DNAI7: variants seen among roughly 807,000 people sequenced by gnomAD.
DNAI7 encodes cancer susceptibility 1.
A neutral mutation model predicts 86.6 loss-of-function variants in DNAI7; 78 were observed. The observed-to-expected ratio is 0.90, with a 90% CI of 0.75 to 1.09. The LOEUF is 1.09. Ranked by LOEUF, DNAI7 falls within the 50% of genes least tolerant of loss-of-function variation. DNAI7 has a pLI of 0.00. For synonymous variants in DNAI7, 274 were observed against 273.0 expected (o/e 1.00, Z -0.04); for missense variants, 753 against 810.2 (o/e 0.93, Z 0.86).
intron 8 of DNAI7, among the ~76,000 whole-genome samples, chr12:25,146,255 T>G (rs1592404225): frequency 8.1e-6 from 1 of 122,830 alleles, no homozygotes; most frequent in African/African-American, 2.9e-5. Context: ...CTATTATTTT[T>G]AAGTCACAAA....
At chr12:25,166,425 C>G (rs1209601475) in intron 2 of DNAI7, among the ~76,000 whole-genome samples, 1 of 152,088 alleles carries the variant, frequency 6.6e-6, no homozygotes, top group Admixed American at 6.5e-5. Context: ...TCCTTTGCAC[C>G]CTTCATCCCA....
At chr12:25,168,697 G>C (rs1489876763) in intron 2 of DNAI7, among the ~76,000 whole-genome samples, 2 of 151,918 alleles carry the variant, frequency 1.3e-5, no homozygotes, top group African/African-American at 4.9e-5. Context: ...CTCAAGGATA[G>C]AGCCCAAAAA....
chr12:25,121,751 A>G lies in DNAI7; in HGVS notation c.1239+2T>C, dbSNP rs753589803. 1 of 1,593,296 alleles carries G rather than the reference A, an allele frequency of 6.3e-7. No homozygotes were observed. Among genetic ancestry groups the G allele is most frequent in the Admixed American group, 1.9e-5 (1 of 53,134 alleles). On this transcript the variant is annotated splice_donor_variant, in intron 11 of 15. Coordinates refer to ENST00000395987, the MANE Select transcript of DNAI7 (RefSeq NM_018272.5). LOFTEE classifies it high-confidence loss of function. ...TAAGTTTTGATTCAAGAATCAACCTACTTCCACAATCATCCATCCCTTCAC... is the reference window on the plus strand; with the variant it reads ...TAAGTTTTGATTCAAGAATCAACCTGCTTCCACAATCATCCATCCCTTCAC...
intron 1 of DNAI7, among the ~76,000 whole-genome samples, chr12:25,194,458 T>C (rs1196234408): frequency 6.6e-6 from 1 of 152,188 alleles, no homozygotes; most frequent in Non-Finnish European, 1.5e-5. Flanking sequence ...TGGTTTTAAT[T>C]ATAGAAAATG....
At chr12:25,174,727 T>TACATATGGAATATATATATC (rs1376472960) in intron 2 of DNAI7, among the ~76,000 whole-genome samples, 2 of 10,996 alleles carry the variant, frequency 1.8e-4, no homozygotes, top group African/African-American at 7.6e-4. Context: ...ATATATATCA[T>TACATATGGAATATATATATC]ATATATATGG....
chr12:25,114,875 A>G lies in DNAI7; in HGVS notation c.1397-5T>C, dbSNP rs763490934. On this transcript the variant is annotated splice_region_variant and splice_polypyrimidine_tract_variant and intron_variant, in intron 12 of 15. Coordinates refer to ENST00000395987, the MANE Select transcript of DNAI7 (RefSeq NM_018272.5). Reference sequence around the variant, plus strand: ...CATCAGTTCTCCAATGTTTACCTTTATAATTGATGAAGAAAGTGACACTAG... The same window carrying G: ...CATCAGTTCTCCAATGTTTACCTTTGTAATTGATGAAGAAAGTGACACTAG... 6.3e-6 allele frequency: 10 copies of G among 1,593,010 alleles called. No homozygotes were observed. Among genetic ancestry groups the G allele is most frequent in the Non-Finnish European group, 7.7e-6 (9 of 1,164,736 alleles).
At chr12:25,167,137 C>G (rs966535586) in intron 2 of DNAI7, among the ~76,000 whole-genome samples, 1 of 152,176 alleles carries the variant, frequency 6.6e-6, no homozygotes, top group African/African-American at 2.4e-5. Context: ...GCAGTTTCAC[C>G]AGGCCTAATC....
intron 8 of DNAI7, among the ~76,000 whole-genome samples, chr12:25,144,983 TTTTCTCCTCTCCCTCA>T (rs1944651432): frequency 1.3e-5 from 2 of 152,128 alleles, no homozygotes; most frequent in Non-Finnish European, 2.9e-5. Flanking sequence ...CCTAAGCCCT[TTTTCTCCTCTCCCTCA>T]ACATACACTC....
chr12:25,118,617 A>G (rs908181707), intron 12 of DNAI7, among the ~76,000 whole-genome samples: 1 of 151,936 alleles, frequency 6.6e-6, no homozygotes, highest in African/African-American at 2.4e-5. Context: ...GATGGAGTGC[A>G]GTGGCACCAT....
rs147804605 is a variant in DNAI7, at chr12:25,110,240, C to A, written c.1780G>T (p.Val594Phe). The change falls in exon 15 of 16, where the codon GTT becomes TTT. Residue 594 changes from valine (V) to phenylalanine (F), a missense_variant and splice_region_variant. Val to Phe is a conservative substitution (Grantham distance 50). Coordinates refer to ENST00000395987, the MANE Select transcript of DNAI7 (RefSeq NM_018272.5). ...TAAGCTTTCACTTCTACCAAAGGAACCTGTCAATATAAAAACAAATAGAAT... is the reference window on the plus strand; with the variant it reads ...TAAGCTTTCACTTCTACCAAAGGAAACTGTCAATATAAAAACAAATAGAAT... ...SHFYVIINNK[V>F]PLVEVKAYRQ... The A allele has an allele frequency of 1.9e-6, 3 of 1,549,110 alleles. No individual in the cohort carries two copies. Among genetic ancestry groups the A allele is most frequent in the Non-Finnish European group, 2.7e-6 (3 of 1,122,710 alleles).
chr12:25,160,904 C>T (rs1946771925), intron 3 of DNAI7, among the ~76,000 whole-genome samples: 1 of 152,008 alleles, frequency 6.6e-6, no homozygotes, highest in Non-Finnish European at 1.5e-5. Flanking sequence ...TGTATTTTAT[C>T]TCTGGCAACC....
chr12:25,128,866 A>C (rs896285696), intron 9 of DNAI7, among the ~76,000 whole-genome samples: 1 of 152,188 alleles, frequency 6.6e-6, no homozygotes, highest in Non-Finnish European at 1.5e-5. Flanking sequence ...CAGTAGCCAG[A>C]ATAACCTTTC....
intron 12 of DNAI7, 67 bp from the exon 13 acceptor site, chr12:25,114,937 G>A: frequency 8.0e-7 from 1 of 1,249,200 alleles, no homozygotes; most frequent in African/African-American, 1.5e-5. Flanking sequence ...ATAAATGAAA[G>A]CACCAAAAAA....
intron 9 of DNAI7, among the ~76,000 whole-genome samples, chr12:25,129,662 ACTT>A (rs1942614441): frequency 6.6e-6 from 1 of 152,052 alleles, no homozygotes; most frequent in Non-Finnish European, 1.5e-5. Flanking sequence ...TCCTATCTAA[ACTT>A]CTCCATGCTA....
rs200338261 is a variant in DNAI7 at position 25,119,263 on chromosome 12, C to T, written c.1278G>A (p.Pro426=). 10 of 1,611,414 alleles carry T rather than the reference C, an allele frequency of 6.2e-6. No individual in the cohort carries two copies. The highest frequency in any genetic ancestry group is 5.0e-5 in the Admixed American group (3 of 59,880). ...CTGTCTCAAACTCTTCTGTAGTTTC[C>T]GGAGGATATGTGTATTTCTGTAATC... is the stretch of plus-strand genomic sequence containing the variant. The part of the protein sequence containing the change: ...KEGLQKYTYP[P]ETTEEFETEN... Residue 426 remains proline (P), a synonymous_variant, in exon 12 of 16, where the codon CCG becomes CCA. Coordinates refer to ENST00000395987, the MANE Select transcript of DNAI7 (RefSeq NM_018272.5).
chr12:25,151,760 G>A (rs1945571327), intron 6 of DNAI7, among the ~76,000 whole-genome samples: 1 of 152,220 alleles, frequency 6.6e-6, no homozygotes, highest in African/African-American at 2.4e-5. Context: ...GAAAGTCAGA[G>A]TAAGGTCCAT....
chr12:25,168,012 G>T lies in DNAI7; in HGVS notation c.22-6815C>A, dbSNP rs150936758. 1.2e-3 allele frequency among the ~76,000 whole-genome samples: 183 copies of T among 152,192 alleles called. 1 individual carries two copies. Among genetic ancestry groups the T allele is most frequent in the Non-Finnish European group, 1.5e-3 (103 of 68,002 alleles). ...CCCAGCCCCGAAAATAACAGTGAAA[G>T]GTTGGTCGTAGACACTCGACGTTTT... On this transcript the variant is annotated intron_variant, in intron 2 of 15. Transcript: ENST00000395987.
chr12:25,133,322 T>A (rs772021126), intron 9 of DNAI7, among the ~76,000 whole-genome samples: 1 of 152,210 alleles, frequency 6.6e-6, no homozygotes, highest in Non-Finnish European at 1.5e-5. Context: ...TCATCTCTCA[T>A]TCTTTTCCCC....
intron 11 of DNAI7, among the ~76,000 whole-genome samples, chr12:25,121,502 A>G (rs1941287004): frequency 6.6e-6 from 1 of 152,228 alleles, no homozygotes; most frequent in Non-Finnish European, 1.5e-5. Context: ...ATTGGCACTA[A>G]CAAAACATAA....
Sources: allele counts gnomAD v4.1 joint callset (sites outside exome capture counted in the v4.1 genomes callset), GRCh38; gene constraint gnomAD v4.1.1; transcripts MANE v1.5; gene names NCBI Gene and HGNC (gene_info 2026-07-23, HGNC 2026-07-21).